CACNA1S: variants seen among roughly 807,000 people sequenced by gnomAD.
The protein encoded by CACNA1S is calcium voltage-gated channel subunit alpha1 S.
CACNA1S carries 126 observed loss-of-function variants against 207.4 expected under a neutral mutation model. The ratio of observed to expected loss-of-function variants is 0.61; its 90% CI spans 0.53 to 0.70. CACNA1S has a LOEUF of 0.70. Ranked by LOEUF, CACNA1S falls within the 30% of genes least tolerant of loss-of-function variation. The pLI is 0.00. For synonymous variants in CACNA1S, 960 were observed against 932.7 expected (o/e 1.03, Z -0.53); for missense variants, 2,349 against 2,422.8 (o/e 0.97, Z 0.64).
At chr1:201,064,390 C>T (rs1268882262) in intron 22 of CACNA1S, among the ~76,000 whole-genome samples, 1 of 152,230 alleles carries the variant, frequency 6.6e-6, no homozygotes, top group Non-Finnish European at 1.5e-5. Context: ...CCAACAAGAC[C>T]TATTCCCCGC....
chr1:201,058,316 T>C (rs976535854), intron 28 of CACNA1S, 92 bp downstream of exon 28: 1 of 1,076,590 alleles, frequency 9.3e-7, no homozygotes, highest in Admixed American at 1.7e-5. Context: ...GGTTCCATGT[T>C]GTACACACAG....
chr1:201,077,197 G>T (rs1558072036), intron 11 of CACNA1S, 70 bp from the exon 12 acceptor site: 3 of 1,347,662 alleles, frequency 2.2e-6, no homozygotes, highest in East Asian at 2.3e-5. Context: ...GTGTGGACAG[G>T]CTTGGGGGAA....
At chr1:201,040,455 G>A (rs1014386130) in intron 42 of CACNA1S, 81 bp from the exon 43 acceptor site, 36 of 1,558,656 alleles carry the variant, frequency 2.3e-5, no homozygotes, top group Non-Finnish European at 2.9e-5. Context: ...TCATCTGAGG[G>A]CAACTCAACC....
intron 10 of CACNA1S, among the ~76,000 whole-genome samples, chr1:201,078,534 A>G (rs1661717694): frequency 6.6e-6 from 1 of 151,802 alleles, no homozygotes; most frequent in Non-Finnish European, 1.5e-5. Context: ...AAAAAAAAAA[A>G]AAAAACCCGG....
Position 201,048,586 on chromosome 1 carries a change from C to T in CACNA1S, c.4437G>A (p.Thr1479=), listed in dbSNP as rs200538716. 30 of 1,612,496 alleles carry T rather than the reference C, an allele frequency of 1.9e-5. No individual in the cohort carries two copies. The highest frequency in any genetic ancestry group is 1.6e-4 in the Middle Eastern group (1 of 6,084). The change falls in exon 36 of 44, where the codon ACG becomes ACA. Residue 1479 remains threonine, a synonymous_variant. Coordinates refer to ENST00000362061, the MANE Select transcript of CACNA1S (RefSeq NM_000069.3). ...CACATTGGAAGGCACTCTCACCTTC[C>T]GTCTTGATCTTGAGTGCCGTGCGGA... ...ALVRTALKIK[T]EGNFEQANEE...
Position 201,066,309 on chromosome 1 carries a change from C to T in CACNA1S, c.2665G>A (p.Ala889Thr), listed in dbSNP as rs1661236811. The T allele has an allele frequency of 1.2e-6, 2 of 1,611,286 alleles. No individual in the cohort carries two copies. Among genetic ancestry groups the T allele is most frequent in the South Asian group, 2.2e-5 (2 of 91,062 alleles). ...CTCAGGATCTTCACCACGGAGATGGCACTGGACCTGGGGGGCGGCAATGGT... is the reference window on the plus strand; with the variant it reads ...CTCAGGATCTTCACCACGGAGATGGTACTGGACCTGGGGGGCGGCAATGGT... ...SLISMGLESS[A>T]ISVVKILRVL... is the part of the protein sequence containing the mutation. The change falls in exon 21 of 44, where the codon GCC (alanine) becomes ACC (threonine). Residue 889 changes from alanine (A) to threonine (T), a missense_variant. Coordinates refer to ENST00000362061, the MANE Select transcript of CACNA1S (RefSeq NM_000069.3). This position sits in a 1 kb window ranked among gnomAD's most constrained non-coding sequence, Gnocchi z 4.3.
chr1:201,063,753 C>T (rs1404589356), intron 22 of CACNA1S, among the ~76,000 whole-genome samples: 2 of 152,186 alleles, frequency 1.3e-5, no homozygotes, highest in Non-Finnish European at 2.9e-5. Context: ...CAGATCTGTG[C>T]TGTTCCTATC....
intron 2 of CACNA1S, 138 bp downstream of exon 2, chr1:201,110,026 G>A (rs1484101174): frequency 1.3e-6 from 1 of 791,846 alleles, no homozygotes; most frequent in Non-Finnish European, 2.2e-6. Flanking sequence ...AGCCCTGCAG[G>A]TGGCTGGGGA....
chr1:201,077,973 G>T lies in CACNA1S; in HGVS notation c.1525C>A (p.Leu509Met), dbSNP rs746863755. The change falls in exon 11 of 44, where the codon CTG becomes ATG. Residue 509 changes from leucine (L) to methionine (M), a missense_variant. Coordinates refer to ENST00000362061, the MANE Select transcript of CACNA1S (RefSeq NM_000069.3). ...CCCGACTCCACCAGCAGGATCTCCA[G>T]GATACCGCTACACACCACGAAGCAG... ...FDCFVVCSGI[L>M]EILLVESGAM... The T allele has an allele frequency of 6.2e-7, 1 of 1,614,040 alleles. No individual in the cohort carries two copies. Among genetic ancestry groups the T allele is most frequent in the African/African-American group, 1.3e-5 (1 of 74,932 alleles).
At chr1:201,109,050 C>T (rs1279853429) in intron 2 of CACNA1S, among the ~76,000 whole-genome samples, 1 of 152,168 alleles carries the variant, frequency 6.6e-6, no homozygotes, top group Non-Finnish European at 1.5e-5. Context: ...GAGTTCGAGG[C>T]CAGCCTGGCC....
Position 201,069,464 on chromosome 1 carries a change from C to A in CACNA1S, c.2490+8G>T, listed in dbSNP as rs1390640172. The A allele has an allele frequency of 6.2e-7, 1 of 1,605,702 alleles. No individual in the cohort carries two copies. Among genetic ancestry groups the A allele is most frequent in the Non-Finnish European group, 8.5e-7 (1 of 1,177,340 alleles). On this transcript the variant is annotated splice_region_variant and intron_variant, in intron 18 of 43. Coordinates refer to ENST00000362061, the MANE Select transcript of CACNA1S (RefSeq NM_000069.3). The stretch of plus-strand genomic sequence containing the variant: ...GTGCTGAGTGGCAGAGAGGGTGAAG[C>A]CCGTCACCTGATTTCTCATGGAATC...
At chr1:201,070,469 G>T (rs963053683) in intron 16 of CACNA1S, 65 bp from the exon 17 acceptor site, 1 of 1,603,620 alleles carries the variant, frequency 6.2e-7, no homozygotes, top group South Asian at 1.1e-5. Context: ...TGGCTTCTGT[G>T]CTCAGAGCCC....
chr1:201,087,930 C>G lies in CACNA1S; in HGVS notation c.901-1G>C, dbSNP rs753395334. The G allele has an allele frequency of 1.2e-6, 2 of 1,600,760 alleles. No homozygotes were observed. Among genetic ancestry groups the G allele is most frequent in the Non-Finnish European group, 8.6e-7 (1 of 1,168,662 alleles). ...ACTCATTCCCGATGGCATCATTGAC[C>G]TGGTCAGGACAGAAGTGTGATCCTC... On this transcript the variant is annotated splice_acceptor_variant, in intron 6 of 43. Coordinates refer to ENST00000362061, the MANE Select transcript of CACNA1S (RefSeq NM_000069.3). LOFTEE classifies it high-confidence loss of function.
Position 201,043,472 on chromosome 1 carries a change from G to A in CACNA1S, c.4857C>T (p.Pro1619=). The stretch of plus-strand genomic sequence containing the variant: ...GGGGTCTCTGATTGGCCATGACGGG[G>A]GGCAGGGAGTTGGTCCTTTCCAGGA... The part of the protein sequence containing the change: ...DNFLERTNSL[P]PVMANQRPLQ... The change falls in exon 40 of 44, where the codon CCC becomes CCT. Residue 1619 remains proline, a synonymous_variant. Transcript: ENST00000362061. 1 of 1,614,056 alleles carries A rather than the reference G, an allele frequency of 6.2e-7. No individual in the cohort carries two copies. Among genetic ancestry groups the A allele is most frequent in the East Asian group, 2.2e-5 (1 of 44,860 alleles).
chr1:201,110,563 G>A (rs997817344), intron 1 of CACNA1S, among the ~76,000 whole-genome samples: 22 of 152,164 alleles, frequency 1.4e-4, no homozygotes, highest in African/African-American at 4.6e-4. Context: ...TAAGGCCTAG[G>A]GGGTCTTCAC....
rs761324521 is a variant in CACNA1S at position 201,089,432 on chromosome 1, T to C, written c.726A>G (p.Pro242=). 4 of 1,614,118 alleles carry C rather than the reference T, an allele frequency of 2.5e-6. No homozygotes were observed. Among genetic ancestry groups the C allele is most frequent in the African/African-American group, 1.3e-5 (1 of 75,062 alleles). ...CTGAGCCCGTCCTGGCGCAGGGCGA[T>C]GGCTCTTCATTCTCCACCGTGGCCA... ...DIVATVENEE[P]SPCARTGSGR... Residue 242 remains proline, a synonymous_variant, in exon 6 of 44, where the codon CCA becomes CCG. Transcript: ENST00000362061.
At chr1:201,102,971 C>T (rs568455905) in intron 2 of CACNA1S, among the ~76,000 whole-genome samples, 32 of 152,264 alleles carry the variant, frequency 2.1e-4, no homozygotes, top group African/African-American at 5.8e-4. Context: ...TATTGAGCAA[C>T]TCTTGTGTGC....
At chr1:201,069,074 G>T in intron 19 of CACNA1S, 63 bp downstream of exon 19, 2 of 1,402,928 alleles carry the variant, frequency 1.4e-6, no homozygotes, top group Non-Finnish European at 2.0e-6. Context: ...AGTTCAGTGT[G>T]TGTAAACTGG....
In CACNA1S at chr1:201,087,918, G is replaced by A. The variant is rs767464430; in HGVS notation, c.912C>T (p.Ala304=). The change falls in exon 7 of 44, where the codon GCC becomes GCT. Residue 304 remains alanine, a synonymous_variant. Transcript: ENST00000362061. ...WTDVLYWVND[A]IGNEWPWIYF... ...AGATCCAGGGCCACTCATTCCCGATGGCATCATTGACCTGGTCAGGACAGA... is the reference window on the plus strand; with the variant it reads ...AGATCCAGGGCCACTCATTCCCGATAGCATCATTGACCTGGTCAGGACAGA... 1.9e-6 allele frequency: 3 copies of A among 1,611,356 alleles called. No homozygotes were observed. The highest frequency in any genetic ancestry group is 2.5e-6 in the Non-Finnish European group (3 of 1,177,792).
Sources: allele counts gnomAD v4.1 joint callset (sites outside exome capture counted in the v4.1 genomes callset), GRCh38; gene constraint gnomAD v4.1.1; non-coding constraint Gnocchi (gnomAD v3.1); transcripts MANE v1.5; gene names NCBI Gene and HGNC (gene_info 2026-07-23, HGNC 2026-07-21).